Variants in SLC2A1 observed in about 807,000 individuals in gnomAD.
The protein encoded by SLC2A1 is solute carrier family 2, facilitated glucose transporter member 1.
SLC2A1 carries 4 observed loss-of-function variants against 46.6 expected under a neutral mutation model. The ratio of observed to expected loss-of-function variants is 0.09; its 90% CI spans 0.04 to 0.20. The LOEUF (loss-of-function observed/expected upper bound fraction) is 0.20. Among genes scored for constraint, SLC2A1 ranks in the 10% least tolerant of loss-of-function variants. The pLI, the probability that SLC2A1 is intolerant of heterozygous loss-of-function variation, is 1.00. For synonymous variants in SLC2A1, 253 were observed against 270.0 expected (o/e 0.94, Z 0.62); for missense variants, 352 against 667.0 (o/e 0.53, Z 5.20).
intron 2 of SLC2A1, among the ~76,000 whole-genome samples, chr1:42,936,093 G>A (rs558097754): frequency 2.6e-5 from 4 of 152,234 alleles, no homozygotes; most frequent in South Asian, 4.1e-4. Context: ...TGGAACCTCT[G>A]GCTGGTCTCA....
chr1:42,944,926 C>T (rs1000237292), intron 1 of SLC2A1, among the ~76,000 whole-genome samples: 2 of 152,078 alleles, frequency 1.3e-5, no homozygotes, highest in African/African-American at 4.8e-5. Context: ...CAGAATCTCC[C>T]TTCTCTCAAT....
Position 42,927,422 on chromosome 1 carries a change from C to T in SLC2A1, c.1279-181G>A, listed in dbSNP as rs1011752812. Among the ~76,000 whole-genome samples the T allele has an allele frequency of 6.6e-6, 1 of 152,174 alleles. No homozygotes were observed. Among genetic ancestry groups the T allele is most frequent in the Non-Finnish European group, 1.5e-5 (1 of 68,034 alleles). On this transcript the variant is annotated intron_variant, in intron 9 of 9. Coordinates refer to ENST00000426263, the MANE Select transcript of SLC2A1 (RefSeq NM_006516.4). This position sits in a 1 kb window ranked among gnomAD's most constrained non-coding sequence, Gnocchi z 5.3. Reference sequence around the variant, plus strand: ...CCTAGAATGTAACAGGCTCCAGGAGCACCATTCAAGGCTAAGGGGAGAACC... The same window carrying T: ...CCTAGAATGTAACAGGCTCCAGGAGTACCATTCAAGGCTAAGGGGAGAACC...
intron 1 of SLC2A1, among the ~76,000 whole-genome samples, chr1:42,946,376 G>A (rs757121651): frequency 6.6e-6 from 1 of 152,182 alleles, no homozygotes; most frequent in East Asian, 1.9e-4. Flanking sequence ...CTGGGGCCCC[G>A]GATGAAACTG....
In SLC2A1 at chr1:42,926,467, A is replaced by AT; in HGVS notation, c.*573_*574insA. On this transcript the variant is annotated 3_prime_UTR_variant, in exon 10 of 10. Coordinates refer to ENST00000426263, the MANE Select transcript of SLC2A1 (RefSeq NM_006516.4). ...TCCTCCCTGCACTCCAGTGCTCCCA[A>AT]CTGGTCTCAGGTAAAGAAAGATTAA... is the stretch of plus-strand genomic sequence containing the variant. 1 of 253,168 alleles carries AT rather than the reference A, an allele frequency of 3.9e-6. No homozygotes were observed. The highest frequency in any genetic ancestry group is 4.5e-5 in the South Asian group (1 of 22,216). 15.7% of individuals were successfully genotyped at this position (253,168 alleles called of 1,614,324 possible). A position where few individuals can be genotyped will look rare whatever the true frequency, so the allele number is the denominator to read the frequency against.
intron 2 of SLC2A1, among the ~76,000 whole-genome samples, chr1:42,937,820 G>A (rs1317526514): frequency 6.6e-6 from 1 of 152,210 alleles, no homozygotes; most frequent in Non-Finnish European, 1.5e-5. Context: ...GGAGAGAGAA[G>A]GAGAGGCTGC....
Position 42,927,338 on chromosome 1 carries a change from A to G in SLC2A1, c.1279-97T>C. On this transcript the variant is annotated intron_variant, in intron 9 of 9. Coordinates refer to ENST00000426263, the MANE Select transcript of SLC2A1 (RefSeq NM_006516.4). This position sits in a 1 kb window ranked among gnomAD's most constrained non-coding sequence, Gnocchi z 5.3. ...ACTTTACCTTTGGGCCTTTGAGCTGAAAAGGGAACATCCACCTACCCAGGG... is the reference window on the plus strand; with the variant it reads ...ACTTTACCTTTGGGCCTTTGAGCTGGAAAGGGAACATCCACCTACCCAGGG... The G allele has an allele frequency of 8.8e-7, 1 of 1,134,600 alleles. No homozygotes were observed. The highest frequency in any genetic ancestry group is 1.5e-5 in the African/African-American group (1 of 65,108). 70.3% of individuals were successfully genotyped at this position (1,134,600 alleles called of 1,614,324 possible). A position where few individuals can be genotyped will look rare whatever the true frequency, so the allele number is the denominator to read the frequency against.
chr1:42,930,709 C>T lies in SLC2A1; in HGVS notation c.433G>A (p.Gly145Ser). Reference protein sequence around the residue: ...LTTGFVPMYVGEVSPTALRGA... With the variant: ...LTTGFVPMYVSEVSPTALRGA... Reference sequence around the variant, plus strand: ...CGAAGGGCTGTGGGTGACACTTCACCCACATACATGGGCACGAAGCCTGTG... The same window carrying T: ...CGAAGGGCTGTGGGTGACACTTCACTCACATACATGGGCACGAAGCCTGTG... Residue 145 changes from glycine to serine, a missense_variant, in exon 4 of 10, where the codon GGT becomes AGT. Around this residue, in one of 5 missense-constraint regions of SLC2A1, gnomAD observed 12 missense variants for 54.2 expected, o/e 0.22. Coordinates refer to ENST00000426263, the MANE Select transcript of SLC2A1 (RefSeq NM_006516.4). The surrounding 1 kb of genome is among the most constrained non-coding windows in gnomAD (Gnocchi z 6.2). 6.2e-7 allele frequency: 1 copy of T among 1,613,320 alleles called. No homozygotes were observed. Among genetic ancestry groups the T allele is most frequent in the Non-Finnish European group, 8.5e-7 (1 of 1,179,932 alleles).
In SLC2A1 at chr1:42,929,943, C is replaced by T; in HGVS notation, c.609G>A (p.Val203=). The change falls in exon 5 of 10, where the codon GTG becomes GTA. Residue 203 remains valine, a synonymous_variant. Coordinates refer to ENST00000426263, the MANE Select transcript of SLC2A1 (RefSeq NM_006516.4). The surrounding 1 kb of genome is among the most constrained non-coding windows in gnomAD (Gnocchi z 6.0). ...GGGGACTCTCGGGGCAGAAGGGCAG[C>T]ACGATGCACTGCAGCAGGGCCGGGA... ...IFIPALLQCI[V]LPFCPESPRF... is the part of the protein sequence containing the mutation. 2 of 1,614,162 alleles carry T rather than the reference C, an allele frequency of 1.2e-6. No homozygotes were observed. Among genetic ancestry groups the T allele is most frequent in the Non-Finnish European group, 1.7e-6 (2 of 1,180,012 alleles).
At chr1:42,950,810 T>C (rs1403566452) in intron 1 of SLC2A1, among the ~76,000 whole-genome samples, 1 of 152,106 alleles carries the variant, frequency 6.6e-6, no homozygotes, top group Non-Finnish European at 1.5e-5. Context: ...CCGTCTCTAC[T>C]AAAAATACGA....
Position 42,929,936 on chromosome 1 carries a change from A to G in SLC2A1, c.616T>C (p.Phe206Leu), listed in dbSNP as rs1304291329. The change falls in exon 5 of 10, where the codon TTC (phenylalanine) becomes CTC (leucine). Residue 206 changes from phenylalanine to leucine, a missense_variant. Around this residue, in one of 5 missense-constraint regions of SLC2A1, gnomAD observed 167 missense variants for 280.8 expected, o/e 0.59. Transcript: ENST00000426263. The surrounding 1 kb of genome is among the most constrained non-coding windows in gnomAD (Gnocchi z 6.0). ...AGGAAGCGGGGACTCTCGGGGCAGA[A>G]GGGCAGCACGATGCACTGCAGCAGG... is the stretch of plus-strand genomic sequence containing the variant. ...PALLQCIVLP[F>L]CPESPRFLLI... is the part of the protein sequence containing the mutation. 6.2e-7 allele frequency: 1 copy of G among 1,614,166 alleles called. No individual in the cohort carries two copies. The highest frequency in any genetic ancestry group is 1.1e-5 in the South Asian group (1 of 91,080).
intron 2 of SLC2A1, among the ~76,000 whole-genome samples, chr1:42,941,579 C>G (rs1004862321): frequency 6.6e-6 from 1 of 152,200 alleles, no homozygotes; most frequent in Non-Finnish European, 1.5e-5. Context: ...ATCATTAAAT[C>G]CAGTAGCTGT....
chr1:42,950,432 C>G (rs745780608), intron 1 of SLC2A1, among the ~76,000 whole-genome samples: 1 of 152,210 alleles, frequency 6.6e-6, no homozygotes, highest in Non-Finnish European at 1.5e-5. Flanking sequence ...CCTAAATAAC[C>G]GAAAAGGTAT....
Position 42,958,709 on chromosome 1 carries a change from C to A in SLC2A1, c.-58G>T, listed in dbSNP as rs1643808953. 3 of 1,518,012 alleles carry A rather than the reference C, an allele frequency of 2.0e-6. No individual in the cohort carries two copies. The highest frequency in any genetic ancestry group is 1.4e-5 in the African/African-American group (1 of 71,738). 94.0% of individuals were successfully genotyped at this position (1,518,012 alleles called of 1,614,324 possible). The stretch of plus-strand genomic sequence containing the variant: ...GGGTACGCGGGTGGCGACGGGCGTG[C>A]GAGCGGCGCTCTCCCGCTCAGGCTC... On this transcript the variant is annotated 5_prime_UTR_variant, in exon 1 of 10. Coordinates refer to ENST00000426263, the MANE Select transcript of SLC2A1 (RefSeq NM_006516.4).
intron 1 of SLC2A1, among the ~76,000 whole-genome samples, chr1:42,947,983 A>G (rs1367925688): frequency 6.6e-6 from 1 of 152,154 alleles, no homozygotes; most frequent in Non-Finnish European, 1.5e-5. Context: ...AGGGCTGTCA[A>G]GGAAGGACCT....
intron 2 of SLC2A1, 40 bp downstream of exon 2, chr1:42,943,186 C>T (rs777738953): frequency 2.3e-6 from 3 of 1,318,510 alleles, no homozygotes; most frequent in Non-Finnish European, 2.2e-6. Flanking sequence ...TGCAACAGAG[C>T]AGGCTGGTGT....
In SLC2A1 at chr1:42,929,365, C is replaced by T. The variant is rs1488106130; in HGVS notation, c.868-51G>A. 2.1e-6 allele frequency: 3 copies of T among 1,455,332 alleles called. No homozygotes were observed. The Admixed American group carries it at 5.7e-5, about 27-fold the overall frequency. The allele number at this position is 1,455,332 out of a possible 1,614,324, so 90.2% of individuals were successfully genotyped here. A position where few individuals can be genotyped will look rare whatever the true frequency, so the allele number is the denominator to read the frequency against. On this transcript the variant is annotated intron_variant, in intron 6 of 9. Coordinates refer to ENST00000426263, the MANE Select transcript of SLC2A1 (RefSeq NM_006516.4). The surrounding 1 kb of genome is among the most constrained non-coding windows in gnomAD (Gnocchi z 6.0). Reference sequence around the variant, plus strand: ...GCCTACCTGGACATTGTGGCCCTTCCCTGCCTCTGTAGCAGTGGATGTGGG... The same window carrying T: ...GCCTACCTGGACATTGTGGCCCTTCTCTGCCTCTGTAGCAGTGGATGTGGG...
At chr1:42,938,962 C>T (rs757719623) in intron 2 of SLC2A1, among the ~76,000 whole-genome samples, 43 of 152,276 alleles carry the variant, frequency 2.8e-4, no homozygotes, top group Admixed American at 7.2e-4. Flanking sequence ...GGAGACAGGG[C>T]CTGGCTCAGA....
intron 2 of SLC2A1, among the ~76,000 whole-genome samples, chr1:42,937,133 C>T (rs1643550032): frequency 6.6e-6 from 1 of 152,250 alleles, no homozygotes; most frequent in African/African-American, 2.4e-5. Context: ...TCCTTCCCTG[C>T]TCCCACTGTG....
At chr1:42,956,429 A>AAAAAAAAAAAAAAAAAAAAAAAAAAAAAG (rs1643776424) in intron 1 of SLC2A1, among the ~76,000 whole-genome samples, 1 of 72,900 alleles carries the variant, frequency 1.4e-5, no homozygotes, top group African/African-American at 6.8e-5. Flanking sequence ...AAAAAAAAAA[A>AAAAAAAAAAAAAAAAAAAAAAAAAAAAAG]AAAACATTAG....
Sources: gnomAD v4.1 joint callset for allele counts (sites outside exome capture counted in the v4.1 genomes callset) on GRCh38, gnomAD v4.1.1 for gene constraint, gnomAD v4.1.1 regional missense constraint, Gnocchi (gnomAD v3.1) non-coding constraint, MANE v1.5 for transcripts, NCBI Gene and HGNC (gene_info 2026-07-23, HGNC 2026-07-21) for gene names.